Variants in LTBP1 observed in about 807,000 individuals in gnomAD.
The protein encoded by LTBP1 is latent transforming growth factor beta binding protein 1, also known as latent-transforming growth factor beta-binding protein 1.
LTBP1 carries 129 observed loss-of-function variants against 207.6 expected under a neutral mutation model. The observed-to-expected ratio is 0.62, with a 90% CI of 0.54 to 0.72. LTBP1 has a LOEUF of 0.72. LTBP1 is among the 30% of genes least tolerant of loss of function. The probability of loss-of-function intolerance (pLI) is 0.00; values close to 1 mark genes in which losing one functional copy is unlikely to be tolerated. For synonymous variants in LTBP1, 963 were observed against 833.7 expected, an observed-to-expected ratio of 1.16 and a Z score of -2.67; for missense variants, 2,281 against 2,217.2, an observed-to-expected ratio of 1.03 and a Z score of -0.58.
intron 4 of LTBP1, among the ~76,000 whole-genome samples, chr2:33,125,406 G>A (rs372083246): frequency 5.3e-5 from 8 of 152,122 alleles, no homozygotes; most frequent in East Asian, 1.9e-4. Context: ...TCATGTATAC[G>A]GTGCTTTTGT....
At chr2:33,040,470 T>G (rs756617385) in intron 3 of LTBP1, among the ~76,000 whole-genome samples, 22 of 152,220 alleles carry the variant, frequency 1.4e-4, no homozygotes, top group Non-Finnish European at 3.1e-4. Flanking sequence ...GCAGGTGATC[T>G]GGGAGTTCCA....
At chr2:33,332,395 AAAAG>A (rs1559025741) in intron 24 of LTBP1, among the ~76,000 whole-genome samples, 5 of 131,448 alleles carry the variant, frequency 3.8e-5, no homozygotes, top group African/African-American at 1.5e-4. Flanking sequence ...AAAAAAAAAA[AAAAG>A]AGAGAGAGAG....
chr2:33,209,351 G>A (rs1239524357), intron 7 of LTBP1, among the ~76,000 whole-genome samples: 1 of 152,156 alleles, frequency 6.6e-6, no homozygotes, highest in Non-Finnish European at 1.5e-5. Flanking sequence ...TGAGGGGAAG[G>A]AGCACAGTGA....
chr2:33,383,788 C>G (rs1003347599), intron 31 of LTBP1, among the ~76,000 whole-genome samples: 1 of 152,180 alleles, frequency 6.6e-6, no homozygotes, highest in African/African-American at 2.4e-5. Flanking sequence ...CTGCCCACCT[C>G]AGCCTCCCAA....
Position 33,194,555 on chromosome 2 carries a change from C to G in LTBP1, c.1701+5704C>G, listed in dbSNP as rs528661522. Among the ~76,000 whole-genome samples, 9 of 152,320 alleles carry G rather than the reference C, an allele frequency of 5.9e-5. 1 individual carries two copies. Among genetic ancestry groups the G allele is most frequent in the African/African-American group, 2.2e-4 (9 of 41,580 alleles). On this transcript the variant is annotated intron_variant, in intron 7 of 33. Coordinates refer to ENST00000404816, the MANE Select transcript of LTBP1 (RefSeq NM_206943.4). ...TCTTCAGCCAGAGCTCAATCCAGAA[C>G]AAGGACCTAACTTTCTTCAATTCTC...
intron 3 of LTBP1, among the ~76,000 whole-genome samples, chr2:33,104,565 C>G (rs2079943368): frequency 6.6e-6 from 1 of 152,188 alleles, no homozygotes; most frequent in Non-Finnish European, 1.5e-5. Flanking sequence ...AACTTTCTTC[C>G]ACTTACCATT....
At chr2:33,391,092 G>A (rs1346054517) in intron 32 of LTBP1, among the ~76,000 whole-genome samples, 7 of 128,938 alleles carry the variant, frequency 5.4e-5, no homozygotes, top group South Asian at 2.4e-4. Flanking sequence ...TTTGAAGGAT[G>A]TAGTGTATTG....
At chr2:33,285,475 G>T in intron 19 of LTBP1, among the ~76,000 whole-genome samples, 2 of 131,058 alleles carry the variant, frequency 1.5e-5, no homozygotes, top group African/African-American at 2.9e-5. Context: ...TTGAGACGGA[G>T]TCTCCCTCTG....
chr2:33,243,805 A>G, intron 10 of LTBP1, 21 bp downstream of exon 10: 1 of 1,613,452 alleles, frequency 6.2e-7, no homozygotes, highest in African/African-American at 1.3e-5. Flanking sequence ...ATCACTTTTT[A>G]TTCCTGTTTT....
At chr2:33,209,410 A>G (rs2090130134) in intron 7 of LTBP1, among the ~76,000 whole-genome samples, 1 of 152,206 alleles carries the variant, frequency 6.6e-6, no homozygotes, top group Non-Finnish European at 1.5e-5. Context: ...ACCAAAACAT[A>G]GCACCATGAC....
Position 33,252,692 on chromosome 2 carries a change from T to A in LTBP1, c.2015T>A (p.Ile672Asn), listed in dbSNP as rs1178770488. ...TCTGCTTCAGCTGATCCCCCTGTGA[T>A]CTCGGAAGAGAAAGGGCCCTGTTAC... is the stretch of plus-strand genomic sequence containing the variant. ...FSSCVPDPPVISEEKGPCYRL... is the reference protein window; with the variant it reads ...FSSCVPDPPVNSEEKGPCYRL... The change falls in exon 11 of 34, where the codon ATC becomes AAC. Residue 672 changes from isoleucine (I) to asparagine (N), a missense_variant. By Grantham distance (149) the Ile-to-Asn change is moderately radical. This residue lies in a region of LTBP1 where 1,671 missense variants were observed against 1,634.8 expected (regional missense o/e 1.02). Transcript: ENST00000404816. The A allele has an allele frequency of 2.5e-6, 4 of 1,612,560 alleles. No individual in the cohort carries two copies. In the South Asian group the frequency reaches 4.4e-5, roughly 18 times the overall value.
At chr2:32,981,833 T>G (rs1682805837) in intron 2 of LTBP1, among the ~76,000 whole-genome samples, 2 of 152,222 alleles carry the variant, frequency 1.3e-5, no homozygotes, top group Non-Finnish European at 2.9e-5. Flanking sequence ...TGCTGCCATG[T>G]AAGACGTGCT....
At chr2:33,227,512 T>A (rs1176793319) in intron 9 of LTBP1, among the ~76,000 whole-genome samples, 1 of 152,148 alleles carries the variant, frequency 6.6e-6, no homozygotes, top group African/African-American at 2.4e-5. Flanking sequence ...TAGCTCCTCT[T>A]TTTGGCCTGA....
intron 2 of LTBP1, among the ~76,000 whole-genome samples, chr2:32,966,378 G>C (rs1195721271): frequency 6.6e-6 from 1 of 152,110 alleles, no homozygotes; most frequent in Non-Finnish European, 1.5e-5. Flanking sequence ...TGCCTTTGGT[G>C]TTATATCTTG....
chr2:32,995,196 C>G (rs374648888), intron 2 of LTBP1, among the ~76,000 whole-genome samples: 2 of 151,610 alleles, frequency 1.3e-5, no homozygotes, highest in East Asian at 3.9e-4. Context: ...AAAAAAAAAC[C>G]GCTCTTCAGA....
intron 7 of LTBP1, among the ~76,000 whole-genome samples, chr2:33,208,397 C>T (rs1026809766): frequency 1.3e-5 from 2 of 152,092 alleles, no homozygotes; most frequent in Admixed American, 6.5e-5. Context: ...AATCTAGAAT[C>T]GAGCCATTTA....
At chr2:33,295,327 G>C (rs1289283322) in intron 20 of LTBP1, among the ~76,000 whole-genome samples, 2 of 152,050 alleles carry the variant, frequency 1.3e-5, no homozygotes, top group Non-Finnish European at 2.9e-5. Flanking sequence ...AGGAGTTCGA[G>C]ACCAGCTTGG....
intron 24 of LTBP1, among the ~76,000 whole-genome samples, chr2:33,325,684 T>G (rs565571371): frequency 6.6e-6 from 1 of 152,302 alleles, no homozygotes; most frequent in South Asian, 2.1e-4. Flanking sequence ...CTTTTGTGAG[T>G]AATTGGAAGA....
At chr2:33,385,956 A>G (rs762110299) in intron 31 of LTBP1, among the ~76,000 whole-genome samples, 33 of 152,164 alleles carry the variant, frequency 2.2e-4, no homozygotes, top group Non-Finnish European at 4.0e-4. Flanking sequence ...AACACGCTCT[A>G]GCATTTTAAG....
Sources: gnomAD v4.1 joint callset for allele counts (sites outside exome capture counted in the v4.1 genomes callset) on GRCh38, gnomAD v4.1.1 for gene constraint, gnomAD v4.1.1 regional missense constraint, MANE v1.5 for transcripts, NCBI Gene and HGNC (gene_info 2026-07-23, HGNC 2026-07-21) for gene names.